Variants in LFNG observed in about 807,000 individuals in gnomAD.
The protein encoded by LFNG is beta-1,3-N-acetylglucosaminyltransferase lunatic fringe.
A neutral mutation model predicts 32.7 loss-of-function variants in LFNG; 15 were observed. The ratio of observed to expected loss-of-function variants is 0.46; its 90% CI spans 0.31 to 0.71. LFNG has a LOEUF of 0.71. LFNG is among the 30% of genes least tolerant of loss of function. The pLI is 0.06. For missense variants in LFNG, 520 were observed against 545.7 expected, an observed-to-expected ratio of 0.95 and a Z score of 0.47; for synonymous variants, 274 against 246.8, an observed-to-expected ratio of 1.11 and a Z score of -1.03.
Position 2,526,247 on chromosome 7 carries a change from G to T in LFNG, c.825G>T (p.Gly275=). Residue 275 remains glycine, a synonymous_variant, in exon 6 of 8, where the codon GGG becomes GGT. Transcript: ENST00000222725. The surrounding 1 kb of genome is among the most constrained non-coding windows in gnomAD (Gnocchi z 6.9). The part of the protein sequence containing the change: ...LALKMSPWAS[G]GHFMNTAERI... ...TCTGGGCCCTTCCCTCCCGCAGCGG[G>T]GGTCACTTCATGAATACGGCTGAGC... The T allele has an allele frequency of 6.2e-7, 1 of 1,612,938 alleles. No homozygotes were observed. The highest frequency in any genetic ancestry group is 8.5e-7 in the Non-Finnish European group (1 of 1,179,946).
chr7:2,519,819 C>T lies in LFNG; in HGVS notation c.-43C>T, dbSNP rs1220466975. ...CGACGGGCTTCGGGTCGGTGCAAGG[C>T]AGGCGCACGGGGAAGGGCGCGCCGC... On this transcript the variant is annotated 5_prime_UTR_variant, in exon 1 of 8. Transcript: ENST00000222725. The T allele has an allele frequency of 4.8e-6, 5 of 1,048,838 alleles. No individual in the cohort carries two copies. The African/African-American group carries it at 5.2e-5, about 11-fold the overall frequency. The allele number at this position is 1,048,838 out of a possible 1,614,324, so 65.0% of individuals were successfully genotyped here.
In LFNG at chr7:2,525,478, A is replaced by G. The variant is rs985378597; in HGVS notation, c.646A>G (p.Ser216Gly). 2.5e-6 allele frequency: 4 copies of G among 1,612,578 alleles called. No homozygotes were observed. The highest frequency in any genetic ancestry group is 3.4e-6 in the Non-Finnish European group (4 of 1,179,880). ...GCGGGCCCTGCTGCGGCTGCTGGCCAGCTACCCGCACACGCGGGACGTCTA... is the reference window on the plus strand; with the variant it reads ...GCGGGCCCTGCTGCGGCTGCTGGCCGGCTACCCGCACACGCGGGACGTCTA... ...NLRALLRLLA[S>G]YPHTRDVYVG... The change falls in exon 4 of 8, where the codon AGC (serine) becomes GGC (glycine). Residue 216 changes from serine (S) to glycine (G), a missense_variant. By Grantham distance (56) the Ser-to-Gly change is moderately conservative. Transcript: ENST00000222725.
At chr7:2,513,174 C>A (rs1779531987), upstream of LFNG, 5 of 1,613,760 alleles carry the variant, frequency 3.1e-6, no homozygotes, top group Non-Finnish European at 4.2e-6. Flanking sequence ...CAGATCTGGG[C>A]ATGGAGCAAA....
Position 2,526,219 on chromosome 7 carries a change from T to C in LFNG, c.822-25T>C, listed in dbSNP as rs753879382. 9.9e-6 allele frequency: 16 copies of C among 1,611,896 alleles called. No individual in the cohort carries two copies. In the South Asian group the frequency reaches 1.5e-4, roughly 15 times the overall value. On this transcript the variant is annotated intron_variant, in intron 5 of 7. Coordinates refer to ENST00000222725, the MANE Select transcript of LFNG (RefSeq NM_001040167.2). This position sits in a 1 kb window ranked among gnomAD's most constrained non-coding sequence, Gnocchi z 6.9. Reference sequence around the variant, plus strand: ...GCAGATGGCTCCCGCCTCTGCTCACTGGTCTGGGCCCTTCCCTCCCGCAGC... The same window carrying C: ...GCAGATGGCTCCCGCCTCTGCTCACCGGTCTGGGCCCTTCCCTCCCGCAGC...
chr7:2,522,890 CTG>C (rs1406292133), intron 1 of LFNG, among the ~76,000 whole-genome samples: 1 of 152,238 alleles, frequency 6.6e-6, no homozygotes, highest in Non-Finnish European at 1.5e-5. Context: ...GAAGACGAGA[CTG>C]AGGCTCTGAG....
rs1055534084 is a variant in LFNG at position 2,526,643 on chromosome 7, G to A, written c.988-193G>A. 5.9e-5 allele frequency among the ~76,000 whole-genome samples: 9 copies of A among 152,118 alleles called. No homozygotes were observed. The highest frequency in any genetic ancestry group is 2.1e-4 in the South Asian group (1 of 4,828). ...CGCCTACTGTGCGTATTTTGTCCAC[G>A]CTGGCAATGCAGCCAGCCCCAGCTG... On this transcript the variant is annotated intron_variant, in intron 6 of 7. Coordinates refer to ENST00000222725, the MANE Select transcript of LFNG (RefSeq NM_001040167.2). This position sits in a 1 kb window ranked among gnomAD's most constrained non-coding sequence, Gnocchi z 6.9.
In LFNG at chr7:2,527,370, G is replaced by A; in HGVS notation, c.*158G>A. The A allele has an allele frequency of 2.7e-6, 4 of 1,506,164 alleles. No homozygotes were observed. Among genetic ancestry groups the A allele is most frequent in the Non-Finnish European group, 3.5e-6 (4 of 1,129,976 alleles). 93.3% of individuals were successfully genotyped at this position (1,506,164 alleles called of 1,614,324 possible). A position where few individuals can be genotyped will look rare whatever the true frequency, so the allele number is the denominator to read the frequency against. On this transcript the variant is annotated 3_prime_UTR_variant, in exon 8 of 8. Coordinates refer to ENST00000222725, the MANE Select transcript of LFNG (RefSeq NM_001040167.2). The surrounding 1 kb of genome is among the most constrained non-coding windows in gnomAD (Gnocchi z 4.4). Reference sequence around the variant, plus strand: ...TGTGTGTGTACTGCATGCCCACCCGGGTAGCAGGCTGCTGGGCAGTTCTGC... The same window carrying A: ...TGTGTGTGTACTGCATGCCCACCCGAGTAGCAGGCTGCTGGGCAGTTCTGC...
upstream of LFNG, among the ~76,000 whole-genome samples, chr7:2,516,677 C>T (rs1365168150): frequency 6.6e-6 from 1 of 152,216 alleles, no homozygotes; most frequent in Non-Finnish European, 1.5e-5. Flanking sequence ...CCTCAGCAGG[C>T]AGGTCTCTCG....
upstream of LFNG, among the ~76,000 whole-genome samples, chr7:2,515,152 T>TTCCA (rs1273524878): frequency 1.4e-5 from 2 of 143,680 alleles, no homozygotes; most frequent in Non-Finnish European, 3.1e-5. Flanking sequence ...CCATCCACCT[T>TTCCA]TCCATCCATC....
chr7:2,521,112 C>T (rs1053038280), intron 1 of LFNG, among the ~76,000 whole-genome samples: 3 of 152,070 alleles, frequency 2.0e-5, no homozygotes, highest in Non-Finnish European at 4.4e-5. Context: ...CCCTGCACGC[C>T]TTCCTCCCTG....
upstream of LFNG, among the ~76,000 whole-genome samples, chr7:2,519,380 C>T (rs529789275): frequency 5.9e-5 from 9 of 152,268 alleles, no homozygotes; most frequent in South Asian, 1.9e-3. Context: ...CGCGGTGCGT[C>T]GGAGCCCAGA....
intron 1 of LFNG, among the ~76,000 whole-genome samples, chr7:2,521,805 G>A (rs1779800416): frequency 6.6e-6 from 1 of 152,210 alleles, no homozygotes; most frequent in African/African-American, 2.4e-5. Flanking sequence ...TCTGATCTCT[G>A]AAATGGGGGA....
Position 2,527,533 on chromosome 7 carries a change from C to A in LFNG, c.*321C>A. ...ATTCTGTTAGGATTTTTGGATCTTTCTACAGCTACGGGGCTCCGGGCTACT... is the reference window on the plus strand; with the variant it reads ...ATTCTGTTAGGATTTTTGGATCTTTATACAGCTACGGGGCTCCGGGCTACT... On this transcript the variant is annotated 3_prime_UTR_variant, in exon 8 of 8. Coordinates refer to ENST00000222725, the MANE Select transcript of LFNG (RefSeq NM_001040167.2). The surrounding 1 kb of genome is among the most constrained non-coding windows in gnomAD (Gnocchi z 4.4). 7.7e-7 allele frequency: 1 copy of A among 1,303,574 alleles called. No homozygotes were observed. Among genetic ancestry groups the A allele is most frequent in the Non-Finnish European group, 9.8e-7 (1 of 1,015,646 alleles). The allele number at this position is 1,303,574 out of a possible 1,614,324, so 80.8% of individuals were successfully genotyped here. A position where few individuals can be genotyped will look rare whatever the true frequency, so the allele number is the denominator to read the frequency against.
chr7:2,520,383 C>A lies in LFNG; in HGVS notation c.432+90C>A. On this transcript the variant is annotated intron_variant, in intron 1 of 7. Coordinates refer to ENST00000222725, the MANE Select transcript of LFNG (RefSeq NM_001040167.2). The surrounding 1 kb of genome is among the most constrained non-coding windows in gnomAD (Gnocchi z 5.0). The stretch of plus-strand genomic sequence containing the variant: ...GTGGCAGTGTCCCATGGGAGTCAGG[C>A]TGCATCCCCATCCAGCCACTAGGGC... The A allele has an allele frequency of 8.3e-7, 1 of 1,208,670 alleles. No homozygotes were observed. The allele number at this position is 1,208,670 out of a possible 1,614,324, so 74.9% of individuals were successfully genotyped here.
intron 1 of LFNG, among the ~76,000 whole-genome samples, chr7:2,522,565 G>GT (rs1779822941): frequency 8.1e-6 from 1 of 124,086 alleles, no homozygotes; most frequent in Non-Finnish European, 1.9e-5. Flanking sequence ...TCCTGTGGGT[G>GT]TCCCCCGGCC....
chr7:2,520,354 G>A lies in LFNG; in HGVS notation c.432+61G>A. On this transcript the variant is annotated intron_variant, in intron 1 of 7. Coordinates refer to ENST00000222725, the MANE Select transcript of LFNG (RefSeq NM_001040167.2). This position sits in a 1 kb window ranked among gnomAD's most constrained non-coding sequence, Gnocchi z 5.0. The stretch of plus-strand genomic sequence containing the variant: ...GGGCGGGGACCCACCATCTGGTCCA[G>A]CTGGTGGCAGTGTCCCATGGGAGTC... 6 of 1,471,790 alleles carry A rather than the reference G, an allele frequency of 4.1e-6. No individual in the cohort carries two copies. The highest frequency in any genetic ancestry group is 5.6e-6 in the Non-Finnish European group (6 of 1,069,170). The allele number at this position is 1,471,790 out of a possible 1,614,324, so 91.2% of individuals were successfully genotyped here. A position where few individuals can be genotyped will look rare whatever the true frequency, so the allele number is the denominator to read the frequency against.
chr7:2,529,153 T>C (rs1780081435), downstream of LFNG: 3 of 322,606 alleles, frequency 9.3e-6, no homozygotes, highest in Non-Finnish European at 1.7e-5. The surrounding 1 kb of genome is among the most constrained non-coding windows in gnomAD (Gnocchi z 4.2). Context: ...ATACAGCAGC[T>C]CTGCGGTGCT....
intron 1 of LFNG, among the ~76,000 whole-genome samples, chr7:2,523,321 C>T (rs1168482527): frequency 1.3e-5 from 2 of 152,040 alleles, no homozygotes; most frequent in South Asian, 2.1e-4. Flanking sequence ...CATGGAGAGG[C>T]GGAGACCCAG....
rs1562554570 is a variant in LFNG at position 2,525,536 on chromosome 7, A to G, written c.704A>G (p.Gln235Arg). 6.2e-7 allele frequency: 1 copy of G among 1,612,482 alleles called. No homozygotes were observed. The change falls in exon 4 of 8, where the codon CAG (glutamine) becomes CGG (arginine). Residue 235 changes from glutamine (Q) to arginine (R), a missense_variant. Transcript: ENST00000222725. ...AAGCCCAGCCTGGACAGGCCCATCC[A>G]GGCCATGGAGCGGGTCAGCGAGAAC... ...VGKPSLDRPI[Q>R]AMERVSENKV...
Sources: allele counts gnomAD v4.1 joint callset (sites outside exome capture counted in the v4.1 genomes callset), GRCh38; gene constraint gnomAD v4.1.1; non-coding constraint Gnocchi (gnomAD v3.1); transcripts MANE v1.5; gene names NCBI Gene and HGNC (gene_info 2026-07-23, HGNC 2026-07-21).